The following EVI5 variants were observed in gnomAD, a reference collection of about 807,000 sequenced individuals.
EVI5 encodes the protein ecotropic viral integration site 5.
In EVI5, 73 loss-of-function variants were observed where a neutral mutation model predicts 112.0. The observed-to-expected ratio is 0.65, with a 90% CI of 0.54 to 0.79. The LOEUF is 0.79. Ranked by LOEUF, EVI5 falls within the 30% of genes least tolerant of loss-of-function variation. EVI5 has a pLI of 0.00. For synonymous variants in EVI5, 305 were observed against 319.9 expected (o/e 0.95, Z 0.50); for missense variants, 900 against 968.8 (o/e 0.93, Z 0.94).
At chr1:92,558,734 G>A (rs1011279128) in intron 19 of EVI5, among the ~76,000 whole-genome samples, 3 of 151,768 alleles carry the variant, frequency 2.0e-5, no homozygotes, top group African/African-American at 4.8e-5. Context: ...AGGCATGGTG[G>A]TGCAGCCCTG....
chr1:92,695,962 ACT>A (rs1323128798), intron 6 of EVI5, among the ~76,000 whole-genome samples: 3 of 150,394 alleles, frequency 2.0e-5, no homozygotes, highest in African/African-American at 7.4e-5. Context: ...ATGGGGTCTC[ACT>A]CTGTCACCCA....
At chr1:92,567,821 T>C (rs1022162322) in intron 18 of EVI5, among the ~76,000 whole-genome samples, 1 of 152,254 alleles carries the variant, frequency 6.6e-6, no homozygotes, top group African/African-American at 2.4e-5. Flanking sequence ...ATTCCAAATA[T>C]GCTAGGCTTC....
At chr1:92,618,997 C>T (rs576044786) in intron 16 of EVI5, among the ~76,000 whole-genome samples, 298 of 152,148 alleles carry the variant, frequency 2.0e-3, no homozygotes, top group Admixed American at 4.1e-3. Context: ...TAATTATTAC[C>T]TCATTATTGT....
At chr1:92,732,202 C>T (rs1182602529) in intron 2 of EVI5, 1 of 228,442 alleles carries the variant, frequency 4.4e-6, no homozygotes, top group Admixed American at 5.7e-5. Context: ...CATGCTCATT[C>T]AAGGACCGTG....
In EVI5 at chr1:92,784,815, G is replaced by A. The variant is rs984523708; in HGVS notation, c.-82+21C>T. ...CCCGCCCGGCCTCCCGGCCCGCCCG[G>A]CCTGGCGCAGCGCCCCTCACCTTGG... On this transcript the variant is annotated intron_variant, in intron 1 of 19. Transcript: ENST00000684568. The A allele has an allele frequency of 3.0e-5, 30 of 985,268 alleles. No individual in the cohort carries two copies. The South Asian group carries it at 9.4e-4, about 31-fold the overall frequency. 61.0% of individuals were successfully genotyped at this position (985,268 alleles called of 1,614,324 possible). A position where few individuals can be genotyped will look rare whatever the true frequency, so the allele number is the denominator to read the frequency against.
intron 11 of EVI5, among the ~76,000 whole-genome samples, chr1:92,664,255 A>G (rs1375763281): frequency 6.6e-6 from 1 of 152,338 alleles, no homozygotes; most frequent in East Asian, 1.9e-4. Flanking sequence ...AACTTTAGCA[A>G]TAACTGAGAA....
chr1:92,721,782 T>C lies in EVI5; in HGVS notation c.149+14616A>G, dbSNP rs371493334. Among the ~76,000 whole-genome samples the C allele has an allele frequency of 2.0e-4, 30 of 152,286 alleles. No homozygotes were observed. The South Asian group carries it at 5.8e-3, about 29-fold the overall frequency. ...TTGTGAATTGTATGGGAATAAGCAA[T>C]TCATCTACAACCACACCTTACCTAC... On this transcript the variant is annotated intron_variant, in intron 2 of 19. Transcript: ENST00000684568.
intron 9 of EVI5, among the ~76,000 whole-genome samples, chr1:92,691,103 A>C (rs1485179912): frequency 1.3e-5 from 2 of 152,244 alleles, no homozygotes; most frequent in Non-Finnish European, 2.9e-5. Flanking sequence ...GGTGGTGCTG[A>C]TCTAAATTTT....
intron 9 of EVI5, among the ~76,000 whole-genome samples, chr1:92,683,522 C>T (rs1362467277): frequency 6.6e-6 from 1 of 152,060 alleles, no homozygotes; most frequent in African/African-American, 2.4e-5. Context: ...CACAGCTCCT[C>T]GCCAGCAAGG....
chr1:92,698,082 T>C, intron 5 of EVI5, 97 bp from the exon 6 acceptor site: 1 of 1,076,460 alleles, frequency 9.3e-7, no homozygotes. Flanking sequence ...ACCACAAACA[T>C]TGTTTGAGTG....
chr1:92,670,064 C>A (rs1006819321), intron 10 of EVI5, among the ~76,000 whole-genome samples: 1 of 152,084 alleles, frequency 6.6e-6, no homozygotes. Flanking sequence ...GACAAACATA[C>A]CCTGGACACA....
chr1:92,679,315 T>A (rs1667234704), intron 9 of EVI5, among the ~76,000 whole-genome samples: 1 of 152,184 alleles, frequency 6.6e-6, no homozygotes, highest in African/African-American at 2.4e-5. Flanking sequence ...GACCACTGTC[T>A]TAAAAGACTA....
At chr1:92,785,464 G>C (rs1218908454), upstream of EVI5, among the ~76,000 whole-genome samples, 1 of 152,348 alleles carries the variant, frequency 6.6e-6, no homozygotes, top group Admixed American at 6.5e-5. Flanking sequence ...CGGTGCTGAC[G>C]CGCATGCTTC....
chr1:92,677,368 T>C (rs1189542395), intron 9 of EVI5, 150 bp from the exon 10 acceptor site: 1 of 492,020 alleles, frequency 2.0e-6, no homozygotes, highest in African/African-American at 2.0e-5. Flanking sequence ...GTGAGAAAAA[T>C]CATGTGGCTT....
intron 1 of EVI5, among the ~76,000 whole-genome samples, chr1:92,768,802 T>C (rs991576946): frequency 3.9e-5 from 6 of 151,918 alleles, no homozygotes; most frequent in Non-Finnish European, 7.4e-5. Flanking sequence ...TTGAGCCCAG[T>C]AGATCAAGAC....
rs1345231884 is a variant in EVI5, at chr1:92,576,849, C to T, written c.2071-13112G>A. Among the ~76,000 whole-genome samples the T allele has an allele frequency of 2.0e-5, 3 of 152,280 alleles. No individual in the cohort carries two copies. The East Asian group carries it at 5.8e-4, about 29-fold the overall frequency. ...GAGCCTCTTGTCAATCTTACATTTT[C>T]ATTGTCATCTTTGGTAGTTCAATGA... On this transcript the variant is annotated intron_variant, in intron 18 of 19. Transcript: ENST00000684568.
chr1:92,579,169 C>T (rs1671553633), intron 18 of EVI5, among the ~76,000 whole-genome samples: 1 of 152,180 alleles, frequency 6.6e-6, no homozygotes, highest in South Asian at 2.1e-4. Context: ...GGAAGCAAAG[C>T]TGTCAAAGTT....
intron 19 of EVI5, among the ~76,000 whole-genome samples, chr1:92,539,370 C>T (rs1444962323): frequency 1.3e-5 from 2 of 151,914 alleles, no homozygotes; most frequent in Admixed American, 6.6e-5. Flanking sequence ...GGTGAAACCC[C>T]GTCTCTACTA....
intron 1 of EVI5, among the ~76,000 whole-genome samples, chr1:92,777,394 T>C (rs1335000111): frequency 6.6e-6 from 1 of 152,160 alleles, no homozygotes; most frequent in African/African-American, 2.4e-5. Context: ...CTACCACAAG[T>C]TTCTCACATT....
Sources: allele counts gnomAD v4.1 joint callset (sites outside exome capture counted in the v4.1 genomes callset), GRCh38; gene constraint gnomAD v4.1.1; transcripts MANE v1.5; gene names NCBI Gene and HGNC (gene_info 2026-07-23, HGNC 2026-07-21).